The following EXOC4 variants were observed in gnomAD, a reference collection of about 807,000 sequenced individuals.
The protein encoded by EXOC4 is exocyst complex component 4, also known as SEC8-like 1.
Under a neutral mutation model 107.2 loss-of-function variants are expected in EXOC4, and 71 were observed. The observed-to-expected ratio is 0.66, with a 90% confidence interval of 0.55 to 0.81. The LOEUF is 0.81. Ranked by LOEUF, EXOC4 falls within the 30% of genes least tolerant of loss-of-function variation. The pLI, the probability that EXOC4 is intolerant of heterozygous loss-of-function variation, is 0.00. For synonymous variants in EXOC4, 456 were observed against 441.2 expected (o/e 1.03, Z -0.42); for missense variants, 1,108 against 1,189.6 (o/e 0.93, Z 1.01).
chr7:133,891,605 A>G lies in EXOC4; in HGVS notation c.1735-3994A>G, dbSNP rs1349281179. Among the ~76,000 whole-genome samples, 7 of 94,174 alleles carry G rather than the reference A, an allele frequency of 7.4e-5. No homozygotes were observed. In the East Asian group the frequency reaches 1.9e-3, roughly 25 times the overall value. 61.8% of individuals were successfully genotyped at this position (94,174 alleles called of 152,430 possible). On this transcript the variant is annotated intron_variant, in intron 11 of 17. Coordinates refer to ENST00000253861, the MANE Select transcript of EXOC4 (RefSeq NM_021807.4). ...TTATTTTGAAATACGTCCCATCAAT[A>G]CCTAATTTATTGAGAGTTTTTAGCA...
rs530283039 is a variant in EXOC4, at chr7:133,615,505, A to G, written c.1418-14540A>G. The stretch of plus-strand genomic sequence containing the variant: ...TTAACAGTTAAGTTTTTAGGAAGTG[A>G]AAAGTTACATAAAGATTTTTGACTG... On this transcript the variant is annotated intron_variant, in intron 9 of 17. Transcript: ENST00000253861. Among the ~76,000 whole-genome samples the G allele has an allele frequency of 4.3e-4, 65 of 152,284 alleles. 1 individual carries two copies. The highest frequency in any genetic ancestry group is 1.4e-3 in the African/African-American group (60 of 41,566).
intron 5 of EXOC4, among the ~76,000 whole-genome samples, chr7:133,350,398 T>G (rs1050359715): frequency 1.3e-5 from 2 of 152,112 alleles, no homozygotes; most frequent in African/African-American, 4.8e-5. Flanking sequence ...GTAGATATTG[T>G]TTCCCTGTAC....
At chr7:133,985,417 C>A (rs1481725426) in intron 14 of EXOC4, among the ~76,000 whole-genome samples, 1 of 152,160 alleles carries the variant, frequency 6.6e-6, no homozygotes, top group Non-Finnish European at 1.5e-5. Flanking sequence ...GTTCCACAAG[C>A]CCAGCTGCTG....
At chr7:133,390,602 A>G (rs886121276) in intron 7 of EXOC4, among the ~76,000 whole-genome samples, 1 of 152,170 alleles carries the variant, frequency 6.6e-6, no homozygotes, top group Non-Finnish European at 1.5e-5. Flanking sequence ...GTTCCTTCAG[A>G]AGCCCAGCCT....
chr7:133,931,712 T>TTGACC, intron 13 of EXOC4, among the ~76,000 whole-genome samples: 1 of 152,316 alleles, frequency 6.6e-6, no homozygotes, highest in East Asian at 1.9e-4. Flanking sequence ...ATCACACACC[T>TTGACC]TGACCTGTGA....
chr7:133,857,148 GTATATATATATATATA>G lies in EXOC4; in HGVS notation c.1735-38413_1735-38398del, dbSNP rs60382657. ...TATGTATATATATATACACATACAC[GTATATATATATATATA>G]TATATATATATATATATATATATAT... On this transcript the variant is annotated intron_variant, in intron 11 of 17. Coordinates refer to ENST00000253861, the MANE Select transcript of EXOC4 (RefSeq NM_021807.4). Among the ~76,000 whole-genome samples, 37 of 20,722 alleles carry G rather than the reference GTATATATATATATATA, an allele frequency of 1.8e-3. 1 individual carries two copies. The highest frequency in any genetic ancestry group is 3.4e-3 in the African/African-American group (15 of 4,436). The allele number at this position is 20,722 out of a possible 152,430, so 13.6% of individuals were successfully genotyped here.
intron 1 of EXOC4, among the ~76,000 whole-genome samples, chr7:133,258,479 G>A (rs181000086): frequency 6.6e-6 from 1 of 152,234 alleles, no homozygotes; most frequent in Non-Finnish European, 1.5e-5. Context: ...AAACCACCGC[G>A]TCTTAGTTTC....
intron 5 of EXOC4, among the ~76,000 whole-genome samples, chr7:133,333,243 T>C (rs1795435184): frequency 6.6e-6 from 1 of 152,200 alleles, no homozygotes; most frequent in African/African-American, 2.4e-5. Flanking sequence ...ACTGTCATTA[T>C]TTATCTTATT....
At chr7:133,901,506 T>G (rs1799450460) in intron 12 of EXOC4, among the ~76,000 whole-genome samples, 1 of 152,196 alleles carries the variant, frequency 6.6e-6, no homozygotes, top group Non-Finnish European at 1.5e-5. Flanking sequence ...TTCTACCTAC[T>G]ATTTATATGA....
chr7:133,651,955 C>T (rs1011965381), intron 10 of EXOC4, among the ~76,000 whole-genome samples: 10 of 152,192 alleles, frequency 6.6e-5, no homozygotes, highest in African/African-American at 2.4e-4. Flanking sequence ...GCTGGGATTA[C>T]AGGTGTGAGC....
At chr7:133,649,933 C>T (rs1368635154) in intron 10 of EXOC4, among the ~76,000 whole-genome samples, 1 of 152,042 alleles carries the variant, frequency 6.6e-6, no homozygotes, top group Non-Finnish European at 1.5e-5. Context: ...TATTATGTCA[C>T]TACTTTGGGG....
intron 1 of EXOC4, among the ~76,000 whole-genome samples, chr7:133,260,574 C>T (rs1795126191): frequency 1.3e-5 from 2 of 152,098 alleles, no homozygotes; most frequent in Non-Finnish European, 2.9e-5. Context: ...GCGCCTGGCC[C>T]CTTTAACTTT....
intron 9 of EXOC4, among the ~76,000 whole-genome samples, chr7:133,538,189 T>C (rs1800310768): frequency 6.6e-6 from 1 of 152,190 alleles, no homozygotes; most frequent in Non-Finnish European, 1.5e-5. Flanking sequence ...GGTACAAGAA[T>C]TGGAAAATAA....
Position 133,654,776 on chromosome 7 carries a change from T to C in EXOC4, c.1514+24635T>C, listed in dbSNP as rs533359022. Among the ~76,000 whole-genome samples the C allele has an allele frequency of 1.9e-3, 284 of 152,294 alleles. No homozygotes were observed. In the Middle Eastern group the frequency reaches 0.027, roughly 15 times the overall value. ...TCATCATTATGCAAACACTAGATGT[T>C]ATAACCTACTACACGCCTAGGCTGT... is the stretch of plus-strand genomic sequence containing the variant. On this transcript the variant is annotated intron_variant, in intron 10 of 17. Coordinates refer to ENST00000253861, the MANE Select transcript of EXOC4 (RefSeq NM_021807.4).
intron 11 of EXOC4, among the ~76,000 whole-genome samples, chr7:133,829,823 G>A (rs1035052240): frequency 1.3e-5 from 2 of 152,042 alleles, no homozygotes; most frequent in Non-Finnish European, 2.9e-5. Context: ...TTAAAGTCCT[G>A]CTTTGGGGAA....
At chr7:134,015,308 G>C (rs182600838) in intron 17 of EXOC4, among the ~76,000 whole-genome samples, 1 of 152,284 alleles carries the variant, frequency 6.6e-6, no homozygotes, top group Admixed American at 6.5e-5. Context: ...ACACTGAATA[G>C]AATGTAAGCT....
At chr7:133,743,592 A>G (rs1795613329) in intron 10 of EXOC4, among the ~76,000 whole-genome samples, 2 of 152,178 alleles carry the variant, frequency 1.3e-5, no homozygotes, top group African/African-American at 4.8e-5. Context: ...ATTTCTCCCC[A>G]AAACATCAGG....
At chr7:133,411,574 C>T (rs868221825) in intron 7 of EXOC4, among the ~76,000 whole-genome samples, 3 of 152,140 alleles carry the variant, frequency 2.0e-5, no homozygotes, top group Admixed American at 2.0e-4. Context: ...TTAGCACATT[C>T]GTACACTGGC....
chr7:133,540,692 A>C (rs1800363326), intron 9 of EXOC4, among the ~76,000 whole-genome samples: 1 of 152,152 alleles, frequency 6.6e-6, no homozygotes, highest in Non-Finnish European at 1.5e-5. Flanking sequence ...ATTCTGAAAA[A>C]TTCCTGCCAG....
Sources: gnomAD v4.1 joint callset for allele counts (sites outside exome capture counted in the v4.1 genomes callset) on GRCh38, gnomAD v4.1.1 for gene constraint, MANE v1.5 for transcripts, NCBI Gene and HGNC (gene_info 2026-07-23, HGNC 2026-07-21) for gene names.